STAMBP: variants seen among roughly 807,000 people sequenced by gnomAD.
STAMBP encodes the protein STAM binding protein, also known as STAM-binding protein.
Under a neutral mutation model 50.7 loss-of-function variants are expected in STAMBP, and 31 were observed. That is an observed-to-expected ratio of 0.61 (90% CI 0.46 to 0.83). The LOEUF (loss-of-function observed/expected upper bound fraction) is 0.83, where lower values mean the gene tolerates loss of function less well. Ranked by LOEUF, STAMBP falls within the 40% of genes least tolerant of loss-of-function variation. The pLI is 0.00. For synonymous variants in STAMBP, 211 were observed against 192.4 expected (o/e 1.10, Z -0.80); for missense variants, 472 against 518.9 (o/e 0.91, Z 0.88).
In STAMBP at chr2:73,866,535, G is replaced by A. The variant is rs1678915666; in HGVS notation, c.*4276G>A. ...AACCTTATTGATCAGTTGTTCCTTG[G>A]TGTTGAATAATGTGTTAGGTAGCCA... On this transcript the variant is annotated 3_prime_UTR_variant, in exon 10 of 10. Coordinates refer to ENST00000394070, the MANE Select transcript of STAMBP (RefSeq NM_213622.4). 2 of 152,298 alleles carry A rather than the reference G, an allele frequency of 1.3e-5. No homozygotes were observed. Among genetic ancestry groups the A allele is most frequent in the Middle Eastern group, 6.8e-3 (2 of 294 alleles). The allele number at this position is 152,298 out of a possible 1,614,324, so 9.4% of individuals were successfully genotyped here.
intron 2 of STAMBP, among the ~76,000 whole-genome samples, chr2:73,832,791 A>T (rs1674130146): frequency 6.6e-6 from 1 of 152,184 alleles, no homozygotes; most frequent in African/African-American, 2.4e-5. Context: ...ATGTCACCAG[A>T]CATTATCTGA....
chr2:73,834,240 T>TAC (rs1674426866), intron 2 of STAMBP, among the ~76,000 whole-genome samples: 3 of 18,166 alleles, frequency 1.7e-4, no homozygotes, highest in African/African-American at 7.2e-4. Flanking sequence ...AAAAAAAATA[T>TAC]ATATATATAT....
chr2:73,858,539 G>A (rs1488320561), intron 7 of STAMBP, among the ~76,000 whole-genome samples: 1 of 152,022 alleles, frequency 6.6e-6, no homozygotes, highest in Admixed American at 6.5e-5. Context: ...AAGCTAATTA[G>A]CATATGCATT....
At chr2:73,868,261 C>G (rs945999985), downstream of STAMBP, among the ~76,000 whole-genome samples, 8 of 151,784 alleles carry the variant, frequency 5.3e-5, no homozygotes, top group African/African-American at 1.9e-4. Flanking sequence ...AAATAGAACA[C>G]TAAAAAAATC....
Position 73,860,131 on chromosome 2 carries a change from A to G in STAMBP, c.1198A>G (p.Lys400Glu). ...CRQKGFHPHS[K>E]DPPLFCSCSH... ...CCAGAAAGGATTTCATCCACACAGCAAGGATCCACCTCTGTTCTGTGTACG... is the reference window on the plus strand; with the variant it reads ...CCAGAAAGGATTTCATCCACACAGCGAGGATCCACCTCTGTTCTGTGTACG... Residue 400 changes from lysine to glutamate, a missense_variant, in exon 9 of 10, where the codon AAG (lysine) becomes GAG (glutamate). Physicochemically the swap from Lys to Glu is moderately conservative, Grantham distance 56. Transcript: ENST00000394070. The G allele has an allele frequency of 6.2e-7, 1 of 1,613,898 alleles. No individual in the cohort carries two copies. The highest frequency in any genetic ancestry group is 8.5e-7 in the Non-Finnish European group (1 of 1,179,918).
chr2:73,850,763 A>G lies in STAMBP; in HGVS notation c.1005+250A>G, dbSNP rs1573346486. Among the ~76,000 whole-genome samples the G allele has an allele frequency of 1.3e-5, 2 of 152,212 alleles. No individual in the cohort carries two copies. The highest frequency in any genetic ancestry group is 3.8e-4 in the East Asian group (2 of 5,206). On this transcript the variant is annotated intron_variant, in intron 7 of 9. Coordinates refer to ENST00000394070, the MANE Select transcript of STAMBP (RefSeq NM_213622.4). This position sits in a 1 kb window ranked among gnomAD's most constrained non-coding sequence, Gnocchi z 4.3. ...AATAAACTGTTTTCCCTAAAGTTCC[A>G]GTTTCCCTCTGAGTGTAACTGGTGA... is the stretch of plus-strand genomic sequence containing the variant.
chr2:73,831,542 G>A (rs911125828), intron 2 of STAMBP, among the ~76,000 whole-genome samples: 5 of 152,050 alleles, frequency 3.3e-5, no homozygotes, highest in Non-Finnish European at 7.4e-5. Context: ...AGTTTGTGTG[G>A]CTCATCATAA....
Position 73,858,369 on chromosome 2 carries a change from C to A in STAMBP, c.1006-885C>A, listed in dbSNP as rs1003238475. ...GGCCAGGCTGGTCTCAAACTCCTGA[C>A]CTCAAATGATCTGCCCTCCTCAGCC... On this transcript the variant is annotated intron_variant, in intron 7 of 9. Coordinates refer to ENST00000394070, the MANE Select transcript of STAMBP (RefSeq NM_213622.4). Among the ~76,000 whole-genome samples, 18 of 152,042 alleles carry A rather than the reference C, an allele frequency of 1.2e-4. No homozygotes were observed. In the South Asian group the frequency reaches 1.7e-3, roughly 14 times the overall value.
At chr2:73,849,331 G>T (rs1160488575) in intron 5 of STAMBP, 32 bp from the exon 6 acceptor site, 7 of 1,612,318 alleles carry the variant, frequency 4.3e-6, no homozygotes, top group Non-Finnish European at 5.9e-6. Flanking sequence ...AGGGCTCAGT[G>T]GTCGCAGACT....
chr2:73,867,394 A>G (rs1678996363), downstream of STAMBP, among the ~76,000 whole-genome samples: 1 of 152,180 alleles, frequency 6.6e-6, no homozygotes, highest in Non-Finnish European at 1.5e-5. Flanking sequence ...AAAATACAAA[A>G]TTAGCCAGAT....
intron 2 of STAMBP, among the ~76,000 whole-genome samples, chr2:73,833,181 T>C (rs546036263): frequency 1.1e-4 from 17 of 152,380 alleles, no homozygotes; most frequent in Admixed American, 9.8e-4. Flanking sequence ...TAGCCTCCAA[T>C]TGGCTGGAGG....
At chr2:73,859,096 T>C (rs982464309) in intron 7 of STAMBP, among the ~76,000 whole-genome samples, 158 bp from the exon 8 acceptor site, 2 of 152,224 alleles carry the variant, frequency 1.3e-5, no homozygotes, top group African/African-American at 4.8e-5. Flanking sequence ...AAAAGTTATG[T>C]GAAGATGATC....
chr2:73,850,357 C>G lies in STAMBP; in HGVS notation c.868-19C>G. 1 of 1,596,404 alleles carries G rather than the reference C, an allele frequency of 6.3e-7. No individual in the cohort carries two copies. The highest frequency in any genetic ancestry group is 1.1e-5 in the South Asian group (1 of 88,064). Reference sequence around the variant, plus strand: ...ATGAGCACCAGGGAATTGTGACCAGCTGTTTTCTCCTTTGGCAGATGAGGA... The same window carrying G: ...ATGAGCACCAGGGAATTGTGACCAGGTGTTTTCTCCTTTGGCAGATGAGGA... On this transcript the variant is annotated intron_variant, in intron 6 of 9. Transcript: ENST00000394070. The surrounding 1 kb of genome is among the most constrained non-coding windows in gnomAD (Gnocchi z 4.3).
chr2:73,845,371 C>G, intron 4 of STAMBP, 109 bp downstream of exon 4: 2 of 771,736 alleles, frequency 2.6e-6, no homozygotes, highest in East Asian at 2.7e-5. Context: ...GCTGTTTCAC[C>G]TTTTTTGGGC....
At chr2:73,872,630 T>C (rs1679246528) in intron 10 of STAMBP, among the ~76,000 whole-genome samples, 1 of 152,212 alleles carries the variant, frequency 6.6e-6, no homozygotes, top group Non-Finnish European at 1.5e-5. Flanking sequence ...ACCAACTTTA[T>C]CCCGAAGTGT....
downstream of STAMBP, among the ~76,000 whole-genome samples, chr2:73,867,444 T>C (rs192150970): frequency 6.6e-6 from 1 of 152,204 alleles, no homozygotes; most frequent in Non-Finnish European, 1.5e-5. Context: ...CTTGGGAGGC[T>C]AAGGCATGAG....
chr2:73,844,853 T>C lies in STAMBP; in HGVS notation c.244T>C (p.Ser82Pro). Residue 82 changes from serine to proline, a missense_variant, in exon 3 of 10, where the codon TCT becomes CCT. Transcript: ENST00000394070. ...ACTACCAAAACATCGAGATTACAAA[T>C]CTGCTGTCATTCCTGAAAAGAAAGA... The part of the protein sequence containing the change: ...EKLPKHRDYK[S>P]AVIPEKKDTV... 1 of 1,614,044 alleles carries C rather than the reference T, an allele frequency of 6.2e-7. No individual in the cohort carries two copies. The highest frequency in any genetic ancestry group is 8.5e-7 in the Non-Finnish European group (1 of 1,180,004).
rs2104545474 is a variant in STAMBP, at chr2:73,850,547, C to T, written c.1005+34C>T. 6.3e-7 allele frequency: 1 copy of T among 1,596,006 alleles called. No homozygotes were observed. The highest frequency in any genetic ancestry group is 8.5e-7 in the Non-Finnish European group (1 of 1,171,010). On this transcript the variant is annotated intron_variant, in intron 7 of 9. Transcript: ENST00000394070. This position sits in a 1 kb window ranked among gnomAD's most constrained non-coding sequence, Gnocchi z 4.3. ...TTCTGAGCTGTCCGAGAGTTAGTCTCTGCCTCTCCCATGGTGGTATAAATA... is the reference window on the plus strand; with the variant it reads ...TTCTGAGCTGTCCGAGAGTTAGTCTTTGCCTCTCCCATGGTGGTATAAATA...
At chr2:73,837,695 A>G (rs1454721222) in intron 2 of STAMBP, among the ~76,000 whole-genome samples, 1 of 152,034 alleles carries the variant, frequency 6.6e-6, no homozygotes, top group Non-Finnish European at 1.5e-5. Flanking sequence ...TATTCTTGGT[A>G]ATCCTTTGTA....
Sources: allele counts gnomAD v4.1 joint callset (sites outside exome capture counted in the v4.1 genomes callset), GRCh38; gene constraint gnomAD v4.1.1; non-coding constraint Gnocchi (gnomAD v3.1); transcripts MANE v1.5; gene names NCBI Gene and HGNC (gene_info 2026-07-23, HGNC 2026-07-21).